The following FBRSL1 variants were observed in gnomAD, a reference collection of about 807,000 sequenced individuals.
FBRSL1 encodes the protein fibrosin-1-like protein.
Under a neutral mutation model 89.6 loss-of-function variants are expected in FBRSL1, and 51 were observed. The observed-to-expected ratio is 0.57, with a 90% CI of 0.45 to 0.72. The LOEUF is 0.72. Ranked by LOEUF, FBRSL1 falls within the 30% of genes least tolerant of loss-of-function variation. FBRSL1 has a pLI of 0.00. For missense variants in FBRSL1, 1,618 were observed against 1,451.8 expected, an observed-to-expected ratio of 1.11 and a Z score of -1.86; for synonymous variants, 779 against 681.1, an observed-to-expected ratio of 1.14 and a Z score of -2.24.
intron 2 of FBRSL1, among the ~76,000 whole-genome samples, chr12:132,519,127 A>G (rs1430374785): frequency 6.6e-6 from 1 of 152,266 alleles, no homozygotes; most frequent in Non-Finnish European, 1.5e-5. Context: ...TCTCCCAAAC[A>G]TTGCCTGAGT....
intron 3 of FBRSL1, among the ~76,000 whole-genome samples, chr12:132,527,599 G>A (rs1364848773): frequency 6.6e-6 from 1 of 151,106 alleles, no homozygotes; most frequent in African/African-American, 2.4e-5. Flanking sequence ...GGGCTGCGGG[G>A]CAGGGTTGAG....
At chr12:132,582,919 G>A (rs2040879766) in intron 18 of FBRSL1, 52 bp from the exon 19 acceptor site, 5 of 1,317,032 alleles carry the variant, frequency 3.8e-6, no homozygotes, top group Non-Finnish European at 4.9e-6. Flanking sequence ...GGGCTGCGCC[G>A]CGCGGCAGGA....
chr12:132,525,590 TC>T lies in FBRSL1; in HGVS notation c.490-141del, dbSNP rs2035721809. 1.4e-5 allele frequency: 9 copies of T among 655,970 alleles called. No individual in the cohort carries two copies. The Admixed American group carries it at 1.5e-4, about 11-fold the overall frequency. The allele number at this position is 655,970 out of a possible 1,614,324, so 40.6% of individuals were successfully genotyped here. A position where few individuals can be genotyped will look rare whatever the true frequency, so the allele number is the denominator to read the frequency against. On this transcript the variant is annotated intron_variant, in intron 2 of 18. Coordinates refer to ENST00000680143, the MANE Select transcript of FBRSL1 (RefSeq NM_001367871.1). The stretch of plus-strand genomic sequence containing the variant: ...ACCCAGCCCACCACAGCTCGTCACA[TC>T]CCAAAGCGCCCAGCGGCTGTCGGGG...
chr12:132,509,619 C>T (rs1412933551), intron 2 of FBRSL1: 1 of 1,231,680 alleles, frequency 8.1e-7, no homozygotes, highest in Non-Finnish European at 1.0e-6. Flanking sequence ...ACGGTCCCTC[C>T]TGGTCCCCTG....
chr12:132,533,677 A>G (rs927021802), intron 4 of FBRSL1, among the ~76,000 whole-genome samples: 4 of 152,172 alleles, frequency 2.6e-5, no homozygotes, highest in Non-Finnish European at 5.9e-5. Flanking sequence ...TCTGCCACCC[A>G]TCTGTCCGTC....
At chr12:132,553,801 AAC>A (rs1450928298) in intron 5 of FBRSL1, 1 of 152,222 alleles carries the variant, frequency 6.6e-6, no homozygotes, top group African/African-American at 2.4e-5. Flanking sequence ...AGTCGCCGTA[AAC>A]ACAGTCACTC....
In FBRSL1 at chr12:132,546,279, G is replaced by A. The variant is rs906059636; in HGVS notation, c.616-1724G>A. Among the ~76,000 whole-genome samples the A allele has an allele frequency of 6.6e-6, 1 of 152,268 alleles. No homozygotes were observed. On this transcript the variant is annotated intron_variant, in intron 4 of 18. Coordinates refer to ENST00000680143, the MANE Select transcript of FBRSL1 (RefSeq NM_001367871.1). This position sits in a 1 kb window ranked among gnomAD's most constrained non-coding sequence, Gnocchi z 4.0. ...AGGACTCAGAGGCCCAGGGCCACCAGCAAAGCTGGTCTGCATGTCGGGGTC... is the reference window on the plus strand; with the variant it reads ...AGGACTCAGAGGCCCAGGGCCACCAACAAAGCTGGTCTGCATGTCGGGGTC...
At position 132,525,762 on chromosome 12, in the gene FBRSL1, A is replaced by C; in HGVS notation, c.518A>C (p.Asp173Ala). Residue 173 changes from aspartate (D) to alanine (A), a missense_variant, in exon 3 of 19, where the codon GAC (aspartate) becomes GCC (alanine). Asp to Ala is a moderately radical substitution (Grantham distance 126, BLOSUM62 -2). Coordinates refer to ENST00000680143, the MANE Select transcript of FBRSL1 (RefSeq NM_001367871.1). The part of the protein sequence containing the change: ...QMKVTVSKGG[D>A]RDSDDDSVLE... ...AAGGTCACCGTGTCCAAAGGGGGCG[A>C]CCGGGACAGTGACGACGACAGCGTC... 1 of 1,549,928 alleles carries C rather than the reference A, an allele frequency of 6.5e-7. No homozygotes were observed.
intron 4 of FBRSL1, among the ~76,000 whole-genome samples, chr12:132,533,914 CA>C (rs1566157205): frequency 6.6e-6 from 1 of 152,132 alleles, no homozygotes; most frequent in Non-Finnish European, 1.5e-5. Flanking sequence ...AGGGGCAGGC[CA>C]GGGTGTCTGA....
chr12:132,527,740 AGGGCTGTGGGGCTGTGGGGCAGGGTTGT>A (rs1226498195), intron 3 of FBRSL1, among the ~76,000 whole-genome samples, 185 bp from the exon 4 acceptor site: 2 of 95,982 alleles, frequency 2.1e-5, no homozygotes, highest in South Asian at 3.7e-4. Context: ...GGCAGGGTTG[AGGGCTGTGGGGCTGTGGGGCAGGGTTGT>A]GGGCTGCGGG....
intron 5 of FBRSL1, chr12:132,553,888 C>A (rs1053196232): frequency 6.6e-6 from 1 of 152,214 alleles, no homozygotes; most frequent in Non-Finnish European, 1.5e-5. Context: ...GTCAAGGTAC[C>A]GACCTCAGGG....
At position 132,552,849 on chromosome 12, in the gene FBRSL1, C is replaced by A. The variant is rs562817668; in HGVS notation, c.645+4817C>A. 4 of 165,084 alleles carry A rather than the reference C, an allele frequency of 2.4e-5. No individual in the cohort carries two copies. The East Asian group carries it at 7.8e-4, about 32-fold the overall frequency. The allele number at this position is 165,084 out of a possible 1,614,324, so 10.2% of individuals were successfully genotyped here. A position where few individuals can be genotyped will look rare whatever the true frequency, so the allele number is the denominator to read the frequency against. On this transcript the variant is annotated intron_variant, in intron 5 of 18. Coordinates refer to ENST00000680143, the MANE Select transcript of FBRSL1 (RefSeq NM_001367871.1). The stretch of plus-strand genomic sequence containing the variant: ...GACAGACAGAAGGACGGATGGACGG[C>A]TGGACAGGCTGGAGGCCCCTGCCGT...
chr12:132,552,360 C>T (rs545642795), intron 5 of FBRSL1: 9 of 156,844 alleles, frequency 5.7e-5, no homozygotes, highest in South Asian at 5.5e-4. Context: ...GCCAGAGGGA[C>T]GGACGGACGG....
intron 2 of FBRSL1, among the ~76,000 whole-genome samples, chr12:132,519,493 C>G (rs2035157743): frequency 6.6e-6 from 1 of 152,236 alleles, no homozygotes; most frequent in African/African-American, 2.4e-5. Flanking sequence ...CTCTGAGAGT[C>G]GTTCTCCTTC....
At position 132,570,079 on chromosome 12, in the gene FBRSL1, G is replaced by A. The variant is rs180891480; in HGVS notation, c.845G>A (p.Arg282His). The A allele has an allele frequency of 1.3e-3, 1,934 of 1,488,232 alleles. 1 individual carries two copies. Among genetic ancestry groups the A allele is most frequent in the Non-Finnish European group, 1.6e-3 (1,797 of 1,126,636 alleles). The allele number at this position is 1,488,232 out of a possible 1,614,324, so 92.2% of individuals were successfully genotyped here. Residue 282 changes from arginine (R) to histidine (H), a missense_variant, in exon 7 of 19, where the codon CGC becomes CAC. Arg to His is a conservative substitution (Grantham distance 29). Transcript: ENST00000680143. ...TGCCCGGGGCCCCCGCCCGGCTCCC[G>A]CGCCAATCCCTTGGTGAAGAAGGAA... ...APCPGPPPGSRANPLVKKEPP... is the reference protein window; with the variant it reads ...APCPGPPPGSHANPLVKKEPP...
intron 5 of FBRSL1, among the ~76,000 whole-genome samples, chr12:132,549,996 G>A (rs2038013608): frequency 6.6e-6 from 1 of 152,110 alleles, no homozygotes; most frequent in Non-Finnish European, 1.5e-5. Context: ...GCGGTGTCGG[G>A]GAGGCTGAGT....
At chr12:132,562,155 G>A (rs1318401600) in intron 5 of FBRSL1, among the ~76,000 whole-genome samples, 5 of 152,316 alleles carry the variant, frequency 3.3e-5, no homozygotes, top group Admixed American at 2.6e-4. Context: ...GTGGCTGGAC[G>A]GGGCAGGGAG....
chr12:132,555,665 C>T (rs1022932505), intron 5 of FBRSL1, among the ~76,000 whole-genome samples: 7 of 152,228 alleles, frequency 4.6e-5, no homozygotes, highest in Non-Finnish European at 7.3e-5. Context: ...CTTCCCACTC[C>T]TGCTGACTCC....
At chr12:132,547,562 G>A (rs1250284452) in intron 4 of FBRSL1, among the ~76,000 whole-genome samples, 1 of 149,102 alleles carries the variant, frequency 6.7e-6, no homozygotes, top group Non-Finnish European at 1.5e-5. Context: ...CCCATGTGGT[G>A]CCATCGATCC....
Sources: allele counts gnomAD v4.1 joint callset (sites outside exome capture counted in the v4.1 genomes callset), GRCh38; gene constraint gnomAD v4.1.1; non-coding constraint Gnocchi (gnomAD v3.1); transcripts MANE v1.5; gene names NCBI Gene and HGNC (gene_info 2026-07-23, HGNC 2026-07-21).